ZRANB3: variants seen among roughly 807,000 people sequenced by gnomAD.
The protein encoded by ZRANB3 is DNA annealing helicase and endonuclease ZRANB3.
ZRANB3 carries 125 observed loss-of-function variants against 133.8 expected under a neutral mutation model. The observed-to-expected ratio is 0.93, with a 90% CI of 0.81 to 1.08. The LOEUF (loss-of-function observed/expected upper bound fraction) is 1.08, where lower values mean the gene tolerates loss of function less well. Among genes scored for constraint, ZRANB3 ranks in the 50% least tolerant of loss-of-function variants. The probability of loss-of-function intolerance (pLI) is 0.00; values close to 1 mark genes in which losing one functional copy is unlikely to be tolerated. For synonymous variants in ZRANB3, 387 were observed against 432.7 expected, an observed-to-expected ratio of 0.89 and a Z score of 1.31; for missense variants, 1,229 against 1,275.5, an observed-to-expected ratio of 0.96 and a Z score of 0.56.
chr2:135,236,894 T>C (rs1020370270), intron 12 of ZRANB3, among the ~76,000 whole-genome samples: 8 of 152,112 alleles, frequency 5.3e-5, no homozygotes, highest in African/African-American at 1.9e-4. Context: ...GGACTTCATG[T>C]CTAAAACACC....
At chr2:135,229,711 T>A (rs1694911059) in intron 13 of ZRANB3, among the ~76,000 whole-genome samples, 1 of 152,166 alleles carries the variant, frequency 6.6e-6, no homozygotes, top group African/African-American at 2.4e-5. Context: ...ATTAGATGTG[T>A]ACAATTATTA....
chr2:135,382,157 T>C (rs183538659), intron 3 of ZRANB3, among the ~76,000 whole-genome samples: 32 of 152,278 alleles, frequency 2.1e-4, no homozygotes, highest in African/African-American at 7.0e-4. Context: ...AAGGACCTGA[T>C]GGAGCTGAAA....
At position 135,200,019 on chromosome 2, in the gene ZRANB3, T is replaced by G. The variant is rs528092110; in HGVS notation, c.*323A>C. 20 of 345,576 alleles carry G rather than the reference T, an allele frequency of 5.8e-5. No homozygotes were observed. The highest frequency in any genetic ancestry group is 3.4e-4 in the African/African-American group (16 of 46,504). The allele number at this position is 345,576 out of a possible 1,614,324, so 21.4% of individuals were successfully genotyped here. On this transcript the variant is annotated 3_prime_UTR_variant, in exon 21 of 21. Coordinates refer to ENST00000264159, the MANE Select transcript of ZRANB3 (RefSeq NM_032143.4). ...AGAAGCATTTTTAGGTAATTGAGAG[T>G]ACATTTTTTAAACACAATCTATGCA...
intron 2 of ZRANB3, among the ~76,000 whole-genome samples, chr2:135,475,308 A>G (rs1238246466): frequency 1.3e-5 from 2 of 152,218 alleles, no homozygotes; most frequent in Non-Finnish European, 2.9e-5. Flanking sequence ...TCACTGCTAG[A>G]GAGGAACCTC....
chr2:135,428,824 C>T (rs1365117350), intron 2 of ZRANB3, among the ~76,000 whole-genome samples: 4 of 152,158 alleles, frequency 2.6e-5, no homozygotes, highest in African/African-American at 9.7e-5. Context: ...AATATCCAAA[C>T]CAAGATGACA....
At chr2:135,330,204 C>G (rs1684067333) in intron 6 of ZRANB3, among the ~76,000 whole-genome samples, 1 of 152,094 alleles carries the variant, frequency 6.6e-6, no homozygotes, top group Admixed American at 6.5e-5. Context: ...TCATAAATAG[C>G]TCTTATTATT....
rs1394227112 is a variant in ZRANB3 at position 135,334,912 on chromosome 2, A to T, written c.677+10638T>A. On this transcript the variant is annotated intron_variant, in intron 6 of 20. Coordinates refer to ENST00000264159, the MANE Select transcript of ZRANB3 (RefSeq NM_032143.4). ...TCCATCTCAAAAATAAATATATTTT[A>T]AAAATAAAAATAAAAATAATTTAAT... Among the ~76,000 whole-genome samples, 3 of 152,166 alleles carry T rather than the reference A, an allele frequency of 2.0e-5. No homozygotes were observed. The East Asian group carries it at 5.8e-4, about 29-fold the overall frequency.
At chr2:135,520,097 G>A (rs372758157) in intron 1 of ZRANB3, among the ~76,000 whole-genome samples, 1 of 91,312 alleles carries the variant, frequency 1.1e-5, no homozygotes, top group East Asian at 2.8e-4. Context: ...TTTTTTTTTT[G>A]TTTTGGTCAG....
At position 135,271,808 on chromosome 2, in the gene ZRANB3, T is replaced by A. The variant is rs1294926078; in HGVS notation, c.1166A>T (p.Asp389Val). The A allele has an allele frequency of 3.1e-6, 5 of 1,613,696 alleles. No individual in the cohort carries two copies. The African/African-American group carries it at 6.7e-5, about 22-fold the overall frequency. ...HLVNQFQKDPDTRVAILSIQA... is the reference protein window; with the variant it reads ...HLVNQFQKDPVTRVAILSIQA... ...AATGCTTAGGATAGCCACGCGAGTG[T>A]CAGGATCCTTTTGAAACTGATTAAC... Residue 389 changes from aspartate to valine, a missense_variant, in exon 10 of 21, where the codon GAC (aspartate) becomes GTC (valine). Asp to Val is a radical substitution (Grantham distance 152). Coordinates refer to ENST00000264159, the MANE Select transcript of ZRANB3 (RefSeq NM_032143.4).
chr2:135,371,089 C>A (rs767475126), intron 3 of ZRANB3, among the ~76,000 whole-genome samples: 1 of 152,120 alleles, frequency 6.6e-6, no homozygotes, highest in Non-Finnish European at 1.5e-5. Flanking sequence ...TTTACAGCAG[C>A]ATGAGAATGA....
chr2:135,273,002 C>T (rs1265082058), intron 9 of ZRANB3, among the ~76,000 whole-genome samples: 3 of 151,560 alleles, frequency 2.0e-5, no homozygotes, highest in South Asian at 4.2e-4. Context: ...GCTAACATGG[C>T]GAAACCCCAT....
chr2:135,461,142 A>G (rs911448071), intron 2 of ZRANB3, among the ~76,000 whole-genome samples: 2 of 152,206 alleles, frequency 1.3e-5, no homozygotes, highest in African/African-American at 4.8e-5. Flanking sequence ...GGTGGGTGTG[A>G]AAACTTTATA....
At chr2:135,509,478 G>A (rs1693344337) in intron 1 of ZRANB3, among the ~76,000 whole-genome samples, 1 of 151,984 alleles carries the variant, frequency 6.6e-6, no homozygotes, top group African/African-American at 2.4e-5. Context: ...AACAAATCTA[G>A]ATATTAAAAA....
chr2:135,455,533 T>C (rs1690472823), intron 2 of ZRANB3, among the ~76,000 whole-genome samples: 1 of 151,156 alleles, frequency 6.6e-6, no homozygotes, highest in Non-Finnish European at 1.5e-5. Flanking sequence ...TTCAACCTTC[T>C]AGTTCACCCT....
chr2:135,351,265 C>CTTTTTTTTTTTT (rs34205567), intron 4 of ZRANB3, among the ~76,000 whole-genome samples: 1 of 119,700 alleles, frequency 8.4e-6, no homozygotes, highest in Non-Finnish European at 1.7e-5. Flanking sequence ...CTATAATTTT[C>CTTTTTTTTTTTT]TTTTTTTTTT....
At chr2:135,473,284 A>C (rs1691358190) in intron 2 of ZRANB3, among the ~76,000 whole-genome samples, 1 of 152,232 alleles carries the variant, frequency 6.6e-6, no homozygotes, top group African/African-American at 2.4e-5. Context: ...AGGATCAAAT[A>C]ATCCAATGGT....
rs148516582 is a variant in ZRANB3 at position 135,349,431 on chromosome 2, C to T, written c.591+553G>A. On this transcript the variant is annotated intron_variant, in intron 5 of 20. Coordinates refer to ENST00000264159, the MANE Select transcript of ZRANB3 (RefSeq NM_032143.4). ...TCTTCCTAACCCTTTAACCATTCCA[C>T]GTACTACCCATCTCTTAGAGTAGCA... 2.1e-4 allele frequency among the ~76,000 whole-genome samples: 32 copies of T among 152,340 alleles called. No homozygotes were observed. The East Asian group carries it at 6.0e-3, about 28-fold the overall frequency.
At chr2:135,376,253 G>C (rs1394172393) in intron 3 of ZRANB3, among the ~76,000 whole-genome samples, 1 of 152,174 alleles carries the variant, frequency 6.6e-6, no homozygotes, top group African/African-American at 2.4e-5. Context: ...CGAGCTATGA[G>C]AGTAAAAATT....
intron 12 of ZRANB3, among the ~76,000 whole-genome samples, chr2:135,264,948 G>A (rs1200435776): frequency 1.3e-5 from 2 of 151,812 alleles, no homozygotes; most frequent in African/African-American, 4.8e-5. Context: ...AGGGTTTCAC[G>A]ATGTTGACTA....
Sources: allele counts gnomAD v4.1 joint callset (sites outside exome capture counted in the v4.1 genomes callset), GRCh38; gene constraint gnomAD v4.1.1; transcripts MANE v1.5; gene names NCBI Gene and HGNC (gene_info 2026-07-23, HGNC 2026-07-21).